MED13: variants seen among roughly 807,000 people sequenced by gnomAD.
The protein encoded by MED13 is mediator of RNA polymerase II transcription subunit 13.
Under a neutral mutation model 225.2 loss-of-function variants are expected in MED13, and 23 were observed. The ratio of observed to expected loss-of-function variants is 0.10; its 90% confidence interval spans 0.07 to 0.14. The LOEUF is 0.14. Ranked by LOEUF, MED13 falls within the 10% of genes least tolerant of loss-of-function variation. The pLI, the probability that MED13 is intolerant of heterozygous loss-of-function variation, is 1.00. For missense variants in MED13, 2,197 were observed against 2,594.5 expected (o/e 0.85, Z 3.33); for synonymous variants, 942 against 889.2 (o/e 1.06, Z -1.06).
At chr17:61,996,468 A>T (rs2080347724) in intron 9 of MED13, among the ~76,000 whole-genome samples, 1 of 152,040 alleles carries the variant, frequency 6.6e-6, no homozygotes, top group African/African-American at 2.4e-5. Flanking sequence ...ACTTCCCATC[A>T]TCTTGTTCTT....
chr17:62,001,900 A>G (rs1322979343), intron 9 of MED13, among the ~76,000 whole-genome samples: 1 of 152,228 alleles, frequency 6.6e-6, no homozygotes, highest in African/African-American at 2.4e-5. Flanking sequence ...TATGAATTTA[A>G]AAAGAAAAAT....
Position 61,946,925 on chromosome 17 carries a change from A to T in MED13, c.6384T>A (p.Asp2128Glu), listed in dbSNP as rs1397067242. 9.9e-6 allele frequency: 16 copies of T among 1,610,994 alleles called. 1 individual carries two copies. The South Asian group carries it at 1.8e-4, about 18-fold the overall frequency. Residue 2128 changes from aspartate to glutamate, a missense_variant, in exon 29 of 30, where the codon GAT (aspartate) becomes GAA (glutamate). This residue lies in a region of MED13 where 216 missense variants were observed against 388.9 expected (regional missense o/e 0.56). Coordinates refer to ENST00000397786, the MANE Select transcript of MED13 (RefSeq NM_005121.3). ...TGGTAAAAGAGTTGTACCTGAGGACATCTGAAGTCTGATTTGAGTCAAGTG... is the reference window on the plus strand; with the variant it reads ...TGGTAAAAGAGTTGTACCTGAGGACTTCTGAAGTCTGATTTGAGTCAAGTG... ...SHPLDSNQTSDVLRFVLEQYN... is the reference protein window; with the variant it reads ...SHPLDSNQTSEVLRFVLEQYN...
At chr17:61,992,084 T>A (rs530845334) in intron 11 of MED13, among the ~76,000 whole-genome samples, 10 of 152,368 alleles carry the variant, frequency 6.6e-5, no homozygotes, top group African/African-American at 2.4e-4. Context: ...GATGAAACAC[T>A]CTACTGTCAA....
At chr17:61,959,266 T>G (rs2143332356) in intron 23 of MED13, among the ~76,000 whole-genome samples, 1 of 152,230 alleles carries the variant, frequency 6.6e-6, no homozygotes, top group East Asian at 1.9e-4. Context: ...CCACCTGCCT[T>G]GGCCTCCAAA....
At chr17:61,957,928 G>C (rs189396747) in intron 23 of MED13, among the ~76,000 whole-genome samples, 217 of 152,032 alleles carry the variant, frequency 1.4e-3, no homozygotes, top group African/African-American at 4.9e-3. Flanking sequence ...GCAGTGGTGC[G>C]ATCTCAGCTC....
chr17:61,980,427 A>G (rs1333644142), intron 16 of MED13, among the ~76,000 whole-genome samples: 4 of 152,022 alleles, frequency 2.6e-5, no homozygotes, highest in Non-Finnish European at 2.9e-5. Flanking sequence ...TCCAGACCCA[A>G]TCATTCCTCT....
chr17:62,049,519 T>G (rs1219108171), intron 3 of MED13, among the ~76,000 whole-genome samples: 2 of 152,118 alleles, frequency 1.3e-5, no homozygotes, highest in Non-Finnish European at 2.9e-5. Flanking sequence ...ACAACAAAAC[T>G]TTATTTACAA....
intron 11 of MED13, among the ~76,000 whole-genome samples, chr17:61,987,382 C>T (rs532610668): frequency 1.3e-5 from 2 of 151,904 alleles, no homozygotes; most frequent in South Asian, 2.1e-4. Flanking sequence ...TGCAGTGAGC[C>T]GAGATAGCAC....
chr17:62,012,777 G>A (rs1264183008), intron 8 of MED13, among the ~76,000 whole-genome samples: 1 of 151,548 alleles, frequency 6.6e-6, no homozygotes, highest in African/African-American at 2.4e-5. Flanking sequence ...GAAAAACTCT[G>A]TTGAGAAGAC....
intron 8 of MED13, chr17:62,029,170 A>C (rs1315985345): frequency 1.2e-5 from 2 of 166,022 alleles, no homozygotes; most frequent in African/African-American, 4.8e-5. Context: ...TAAAAAAAGA[A>C]AGAACTCTTG....
At chr17:61,959,451 C>T (rs970515440) in intron 23 of MED13, among the ~76,000 whole-genome samples, 6 of 151,656 alleles carry the variant, frequency 4.0e-5, no homozygotes, top group East Asian at 1.9e-4. Flanking sequence ...TATTCTTTCC[C>T]GAGTTCACTT....
At chr17:61,972,953 A>C in intron 16 of MED13, 65 bp from the exon 17 acceptor site, 1 of 1,399,744 alleles carries the variant, frequency 7.1e-7, no homozygotes, top group Non-Finnish European at 9.7e-7. Context: ...TAAAATTTTA[A>C]GATAATACAA....
chr17:62,043,742 A>C (rs962699910), intron 3 of MED13, among the ~76,000 whole-genome samples: 1 of 152,238 alleles, frequency 6.6e-6, no homozygotes, highest in Non-Finnish European at 1.5e-5. Context: ...TTTCAAAAGC[A>C]GTACAAAAAG....
chr17:61,966,429 A>G, intron 19 of MED13, 33 bp downstream of exon 19: 1 of 1,549,730 alleles, frequency 6.5e-7, no homozygotes, highest in Non-Finnish European at 8.7e-7. Context: ...TTTTGCTAAC[A>G]CCAGCCTTAT....
intron 4 of MED13, among the ~76,000 whole-genome samples, chr17:62,035,105 A>T (rs1252542560): frequency 6.6e-6 from 1 of 152,156 alleles, no homozygotes; most frequent in Non-Finnish European, 1.5e-5. Flanking sequence ...TGGGCGACAG[A>T]GCGAAACTCC....
intron 9 of MED13, among the ~76,000 whole-genome samples, chr17:61,999,360 A>T (rs936990834): frequency 3.3e-5 from 5 of 152,232 alleles, no homozygotes; most frequent in Non-Finnish European, 7.3e-5. Flanking sequence ...CAGACTAAAC[A>T]ATCACAAATT....
chr17:61,960,107 A>C (rs1262598875), intron 23 of MED13, among the ~76,000 whole-genome samples: 1 of 152,114 alleles, frequency 6.6e-6, no homozygotes. Context: ...TAGCCTTGAA[A>C]ACATGTTTCA....
intron 16 of MED13, among the ~76,000 whole-genome samples, chr17:61,974,158 T>C (rs562509691): frequency 2.0e-5 from 3 of 152,300 alleles, no homozygotes; most frequent in Admixed American, 6.5e-5. Flanking sequence ...ATGCCTGTAA[T>C]TGCAGCACTT....
intron 22 of MED13, 66 bp from the exon 23 acceptor site, chr17:61,961,156 G>A (rs2079995667): frequency 4.6e-6 from 6 of 1,291,158 alleles, no homozygotes; most frequent in Non-Finnish European, 5.4e-6. Context: ...CATTTAAAAT[G>A]TAATTCTTAT....
Sources: allele counts gnomAD v4.1 joint callset (sites outside exome capture counted in the v4.1 genomes callset), GRCh38; gene constraint gnomAD v4.1.1; regional missense constraint gnomAD v4.1.1; transcripts MANE v1.5; gene names NCBI Gene and HGNC (gene_info 2026-07-23, HGNC 2026-07-21).